The following MYO5B variants were observed in gnomAD, a reference collection of about 807,000 sequenced individuals.
MYO5B encodes the protein unconventional myosin-Vb.
A neutral mutation model predicts 229.3 loss-of-function variants in MYO5B; 143 were observed. The ratio of observed to expected loss-of-function variants is 0.62; its 90% confidence interval spans 0.54 to 0.72. MYO5B has a LOEUF of 0.72. MYO5B is among the 30% of genes least tolerant of loss of function. The probability of loss-of-function intolerance (pLI) is 0.00; values close to 1 mark genes in which losing one functional copy is unlikely to be tolerated. For missense variants in MYO5B, 2,321 were observed against 2,331.0 expected (o/e 1.00, Z 0.09); for synonymous variants, 918 against 885.2 (o/e 1.04, Z -0.66).
chr18:50,031,735 A>G (rs2026391912), intron 4 of MYO5B, among the ~76,000 whole-genome samples: 1 of 152,232 alleles, frequency 6.6e-6, no homozygotes, highest in Admixed American at 6.5e-5. Flanking sequence ...TTTTCTTTGA[A>G]CATCTCTTGT....
At chr18:49,973,504 T>C (rs1056094258) in intron 10 of MYO5B, among the ~76,000 whole-genome samples, 1 of 152,196 alleles carries the variant, frequency 6.6e-6, no homozygotes, top group African/African-American at 2.4e-5. Context: ...ATGACTTCTA[T>C]AATTTAAAGA....
At chr18:50,057,617 T>C (rs182633581) in intron 1 of MYO5B, among the ~76,000 whole-genome samples, 4 of 152,238 alleles carry the variant, frequency 2.6e-5, no homozygotes, top group Admixed American at 6.5e-5. Context: ...ACTTTTATTC[T>C]AGGGGAGTTC....
intron 12 of MYO5B, among the ~76,000 whole-genome samples, chr18:49,955,460 C>T (rs574955069): frequency 3.3e-5 from 5 of 152,266 alleles, no homozygotes; most frequent in African/African-American, 1.2e-4. Context: ...ACTGACCTGC[C>T]CTTCTTTGGT....
chr18:50,149,671 T>C (rs1471701094), intron 1 of MYO5B, among the ~76,000 whole-genome samples: 1 of 150,876 alleles, frequency 6.6e-6, no homozygotes, highest in Admixed American at 6.6e-5. Context: ...TTACACCTTA[T>C]ACAAAAATCA....
At chr18:49,864,413 T>C (rs544823605) in intron 27 of MYO5B, 33 bp from the exon 28 acceptor site, 17 of 1,610,730 alleles carry the variant, frequency 1.1e-5, no homozygotes, top group South Asian at 5.5e-5. Context: ...CTGCCATTAC[T>C]CCCTGCCCTA....
intron 26 of MYO5B, among the ~76,000 whole-genome samples, chr18:49,873,455 G>C (rs1408261757): frequency 2.6e-5 from 4 of 152,042 alleles, no homozygotes; most frequent in Non-Finnish European, 5.9e-5. Context: ...CCTCCCAGCT[G>C]AAGGATGCCT....
chr18:49,876,512 T>C (rs2024525730), intron 25 of MYO5B, among the ~76,000 whole-genome samples: 1 of 152,230 alleles, frequency 6.6e-6, no homozygotes, highest in Non-Finnish European at 1.5e-5. Flanking sequence ...ACAATATAAT[T>C]TGGTTCCACC....
chr18:50,123,592 T>C (rs968265237), intron 1 of MYO5B, among the ~76,000 whole-genome samples: 4 of 151,910 alleles, frequency 2.6e-5, no homozygotes, highest in African/African-American at 7.3e-5. Context: ...TAAAAAAAAC[T>C]AGCCAGGCAT....
At chr18:49,998,001 A>G (rs2026008397) in intron 5 of MYO5B, among the ~76,000 whole-genome samples, 1 of 152,144 alleles carries the variant, frequency 6.6e-6, no homozygotes, top group South Asian at 2.1e-4. Context: ...CAGCCACAAA[A>G]CTGACTGGGC....
intron 14 of MYO5B, among the ~76,000 whole-genome samples, chr18:49,948,011 C>T (rs763478910): frequency 1.2e-4 from 18 of 152,040 alleles, no homozygotes; most frequent in Admixed American, 2.6e-4. Context: ...TATCTACATA[C>T]GTAACAAACC....
chr18:49,847,194 C>G lies in MYO5B; in HGVS notation c.4411G>C (p.Glu1471Gln). 1.2e-6 allele frequency: 2 copies of G among 1,614,162 alleles called. No individual in the cohort carries two copies. Among genetic ancestry groups the G allele is most frequent in the Admixed American group, 1.7e-5 (1 of 60,026 alleles). ...RKEKDFQGML[E>Q]YHKEDEALLI... ...AGGGCCTCGTCCTCTTTGTGGTACT[C>G]CAGCATGCCCTGGAAATCCTTCTCT... The change falls in exon 33 of 40, where the codon GAG (glutamate) becomes CAG (glutamine). Residue 1471 changes from glutamate (E) to glutamine (Q), a missense_variant. Glu to Gln is a conservative substitution (Grantham distance 29, BLOSUM62 2). Transcript: ENST00000285039.
intron 1 of MYO5B, among the ~76,000 whole-genome samples, chr18:50,070,485 G>T (rs2030930613): frequency 6.6e-6 from 1 of 151,796 alleles, no homozygotes; most frequent in African/African-American, 2.4e-5. Context: ...TATCACAAGG[G>T]TTGGGGAGAG....
intron 5 of MYO5B, among the ~76,000 whole-genome samples, chr18:49,997,291 A>G (rs1326691308): frequency 8.9e-6 from 1 of 112,200 alleles, no homozygotes; most frequent in Non-Finnish European, 1.9e-5. Context: ...AAAAAAAAAA[A>G]AAAAAAGCAA....
chr18:50,044,264 A>AT (rs1415926636), intron 2 of MYO5B, among the ~76,000 whole-genome samples: 5 of 151,784 alleles, frequency 3.3e-5, no homozygotes, highest in African/African-American at 7.3e-5. Context: ...TTGAGAGCAG[A>AT]TTTTTTTTCT....
chr18:50,023,845 C>G (rs1412806892), intron 4 of MYO5B, among the ~76,000 whole-genome samples: 2 of 152,082 alleles, frequency 1.3e-5, no homozygotes, highest in African/African-American at 4.8e-5. Flanking sequence ...CCAGCCTAGA[C>G]CGGGTATCAT....
At chr18:49,963,845 C>G (rs2025591296) in intron 10 of MYO5B, among the ~76,000 whole-genome samples, 1 of 152,188 alleles carries the variant, frequency 6.6e-6, no homozygotes, top group Admixed American at 6.5e-5. Context: ...GGGCCGTGGT[C>G]TAGACCTGGG....
intron 2 of MYO5B, among the ~76,000 whole-genome samples, chr18:50,054,356 G>A (rs182768639): frequency 1.3e-5 from 2 of 152,286 alleles, no homozygotes; most frequent in East Asian, 1.9e-4. Context: ...AAAAGAGTGG[G>A]TTCCTTTTCT....
intron 17 of MYO5B, among the ~76,000 whole-genome samples, chr18:49,917,485 T>C (rs537921766): frequency 3.2e-3 from 126 of 39,210 alleles, no homozygotes; most frequent in African/African-American, 9.1e-3. Context: ...CAGACCATGG[T>C]TTGTAAACGT....
intron 19 of MYO5B, 148 bp from the exon 20 acceptor site, chr18:49,904,976 A>C: frequency 1.1e-6 from 1 of 929,514 alleles, no homozygotes; most frequent in Non-Finnish European, 1.7e-6. Context: ...TTCACCCCTA[A>C]CAAATGTAGC....
Sources: gnomAD v4.1 joint callset for allele counts (sites outside exome capture counted in the v4.1 genomes callset) on GRCh38, gnomAD v4.1.1 for gene constraint, MANE v1.5 for transcripts, NCBI Gene and HGNC (gene_info 2026-07-23, HGNC 2026-07-21) for gene names.